The following SYT14 variants were observed in gnomAD, a reference collection of about 807,000 sequenced individuals.
SYT14 encodes synaptotagmin 14.
A neutral mutation model predicts 74.2 loss-of-function variants in SYT14; 32 were observed. The observed-to-expected ratio is 0.43, with a 90% CI of 0.33 to 0.58. The LOEUF (loss-of-function observed/expected upper bound fraction) is 0.58, where lower values mean the gene tolerates loss of function less well. Among genes scored for constraint, SYT14 ranks in the 20% least tolerant of loss-of-function variants. The probability of loss-of-function intolerance (pLI) is 0.05; values close to 1 mark genes in which losing one functional copy is unlikely to be tolerated. For synonymous variants in SYT14, 298 were observed against 337.7 expected, an observed-to-expected ratio of 0.88 and a Z score of 1.29; for missense variants, 791 against 981.8, an observed-to-expected ratio of 0.81 and a Z score of 2.60.
At chr1:210,065,226 A>G (rs2081275098) in intron 5 of SYT14, among the ~76,000 whole-genome samples, 2 of 152,028 alleles carry the variant, frequency 1.3e-5, no homozygotes, top group African/African-American at 4.8e-5. Flanking sequence ...TCCCCACCCA[A>G]ATCTCATCTT....
intron 5 of SYT14, among the ~76,000 whole-genome samples, chr1:210,074,282 T>C (rs1161930842): frequency 6.6e-6 from 1 of 152,188 alleles, no homozygotes; most frequent in East Asian, 1.9e-4. Context: ...GTTGATGCTA[T>C]TACAATTCCT....
In SYT14 at chr1:210,019,662, A is replaced by C. The variant is rs145497730; in HGVS notation, c.1097-1377A>C. Among the ~76,000 whole-genome samples the C allele has an allele frequency of 5.6e-4, 86 of 152,294 alleles. 1 individual carries two copies. The highest frequency in any genetic ancestry group is 1.9e-3 in the African/African-American group (81 of 41,570). ...GACATATAACCTCCTTCTAACTCTA[A>C]GCATTTAGTTTCTGTCCTGTATTTT... On this transcript the variant is annotated intron_variant, in intron 4 of 9. Coordinates refer to ENST00000637265, the Ensembl canonical transcript of SYT14.
At chr1:210,030,434 G>T (rs1235796095) in intron 5 of SYT14, among the ~76,000 whole-genome samples, 1 of 152,156 alleles carries the variant, frequency 6.6e-6, no homozygotes, top group Non-Finnish European at 1.5e-5. Flanking sequence ...GATTATAGGT[G>T]TGAGCTACTG....
exon 10 of SYT14, chr1:210,163,756 G>A (rs745488604): frequency 1.3e-5 from 6 of 453,406 alleles, no homozygotes; most frequent in South Asian, 4.7e-5. Flanking sequence ...AGGCTCAGGG[G>A]ACCCACTTCA....
rs1014642458 is a variant in SYT14, at chr1:210,103,378, G to A, written c.2034+2917G>A. Among the ~76,000 whole-genome samples, 6 of 151,552 alleles carry A rather than the reference G, an allele frequency of 4.0e-5. No individual in the cohort carries two copies. In the East Asian group the frequency reaches 7.8e-4, roughly 20 times the overall value. On this transcript the variant is annotated intron_variant, in intron 7 of 9. Coordinates refer to ENST00000637265, the Ensembl canonical transcript of SYT14. ...ATCCTGGCTAACACGATGAAACCCCGTCTCTACTAAAAATACAAAAAATTA... is the reference window on the plus strand; with the variant it reads ...ATCCTGGCTAACACGATGAAACCCCATCTCTACTAAAAATACAAAAAATTA...
chr1:210,033,622 G>T (rs922326140), intron 5 of SYT14, among the ~76,000 whole-genome samples: 7 of 151,710 alleles, frequency 4.6e-5, no homozygotes, highest in Non-Finnish European at 1.0e-4. Flanking sequence ...AGTCTGAGTT[G>T]TTGAAATGCC....
chr1:209,953,014 A>G, intron 2 of SYT14: 5 of 1,422,836 alleles, frequency 3.5e-6, no homozygotes, highest in Non-Finnish European at 4.7e-6. Flanking sequence ...GACATGGTGA[A>G]GAGGCAAAGA....
exon 10 of SYT14, chr1:210,161,219 A>T (rs1333793917): frequency 4.1e-6 from 3 of 726,310 alleles, no homozygotes; most frequent in Non-Finnish European, 7.3e-6. Flanking sequence ...TGAAGAAAAT[A>T]TGTGTATCTA....
chr1:209,977,303 G>C (rs1237262873), intron 2 of SYT14, among the ~76,000 whole-genome samples: 1 of 152,116 alleles, frequency 6.6e-6, no homozygotes, highest in Non-Finnish European at 1.5e-5. Flanking sequence ...TCCTAGCTTT[G>C]ATGTCTTTAC....
chr1:209,963,784 T>C (rs531710527), intron 2 of SYT14, among the ~76,000 whole-genome samples: 3 of 152,304 alleles, frequency 2.0e-5, no homozygotes, highest in African/African-American at 7.2e-5. Flanking sequence ...CCTCAAAGAA[T>C]TGGTTGTTCA....
intron 7 of SYT14, among the ~76,000 whole-genome samples, chr1:210,135,777 C>T (rs2082773224): frequency 6.6e-6 from 1 of 152,164 alleles, no homozygotes; most frequent in Non-Finnish European, 1.5e-5. Context: ...TTGAGGCTTG[C>T]TTTTAAGTTT....
chr1:209,944,276 G>A (rs568262410), intron 1 of SYT14, among the ~76,000 whole-genome samples: 11 of 152,232 alleles, frequency 7.2e-5, no homozygotes, highest in African/African-American at 2.6e-4. Context: ...AGGTTTTATT[G>A]TGTTACGTTA....
intron 2 of SYT14, among the ~76,000 whole-genome samples, chr1:209,985,982 C>G (rs766881115): frequency 6.6e-6 from 1 of 152,306 alleles, no homozygotes; most frequent in Non-Finnish European, 1.5e-5. Flanking sequence ...CCATTCAGTT[C>G]TCCTAGGCTT....
chr1:209,965,979 T>C, intron 2 of SYT14: 2 of 454,314 alleles, frequency 4.4e-6, no homozygotes, highest in Non-Finnish European at 8.8e-6. Flanking sequence ...CAAACGATTC[T>C]TCTGCCTCAG....
rs1390989491 is a variant in SYT14, at chr1:210,132,850, A to ACCATTGTGAATCTTCC, written c.2035-22867_2035-22852dup. ...TTCTAGCGTAGCTGCCTTAAATCCG[A>ACCATTGTGAATCTTCC]CCATTGTGAATCTTCCCCACTGTTA... is the stretch of plus-strand genomic sequence containing the variant. On this transcript the variant is annotated intron_variant, in intron 7 of 9. Coordinates refer to ENST00000637265, the Ensembl canonical transcript of SYT14. Among the ~76,000 whole-genome samples, 7 of 152,126 alleles carry ACCATTGTGAATCTTCC rather than the reference A, an allele frequency of 4.6e-5. No homozygotes were observed. In the East Asian group the frequency reaches 1.3e-3, roughly 29 times the overall value.
intron 7 of SYT14, among the ~76,000 whole-genome samples, chr1:210,109,576 C>CAA (rs11392476): frequency 0.13 from 17,214 of 130,220 alleles, 1,424 homozygotes; most frequent in South Asian, 0.23. Flanking sequence ...GACTCTGTCT[C>CAA]AAAAAAAAAA....
At chr1:210,023,011 A>C (rs74766336) in intron 5 of SYT14, among the ~76,000 whole-genome samples, 1,725 of 152,122 alleles carry the variant, frequency 0.011, 28 homozygotes, top group African/African-American at 0.038. Flanking sequence ...AAGTGGTCCA[A>C]GTGCCCCAGA....
At chr1:210,160,880 A>G in exon 10 of SYT14, 1 of 1,614,022 alleles carries the variant, frequency 6.2e-7, no homozygotes, top group Non-Finnish European at 8.5e-7. Flanking sequence ...TGACACTCAT[A>G]CTGTCTGTGT....
chr1:210,151,513 CTTT>C (rs1553289498), intron 7 of SYT14, among the ~76,000 whole-genome samples: 1 of 131,294 alleles, frequency 7.6e-6, no homozygotes, highest in Non-Finnish European at 1.6e-5. Flanking sequence ...TGCCCCCCCC[CTTT>C]TTTTTTTTTT....
Sources: allele counts gnomAD v4.1 joint callset (sites outside exome capture counted in the v4.1 genomes callset), GRCh38; gene constraint gnomAD v4.1.1; transcripts MANE v1.5; gene names NCBI Gene and HGNC (gene_info 2026-07-23, HGNC 2026-07-21).